The following ST3GAL3 variants were observed in gnomAD, a reference collection of about 807,000 sequenced individuals.
ST3GAL3 encodes the protein CMP-N-acetylneuraminate-beta-1,4-galactoside alpha-2,3-sialyltransferase.
In ST3GAL3, 21 loss-of-function variants were observed where a neutral mutation model predicts 50.1. That is an observed-to-expected ratio of 0.42 (90% CI 0.30 to 0.60). The LOEUF is 0.60. Among genes scored for constraint, ST3GAL3 ranks in the 20% least tolerant of loss-of-function variants. ST3GAL3 has a pLI of 0.19. For missense variants in ST3GAL3, 353 were observed against 489.4 expected, an observed-to-expected ratio of 0.72 and a Z score of 2.63; for synonymous variants, 183 against 190.0, an observed-to-expected ratio of 0.96 and a Z score of 0.30.
intron 6 of ST3GAL3, among the ~76,000 whole-genome samples, chr1:43,894,899 G>A (rs1247570029): frequency 6.6e-6 from 1 of 152,076 alleles, no homozygotes; most frequent in African/African-American, 2.4e-5. Flanking sequence ...TGGGGTTACA[G>A]GCATGAGCCA....
intron 5 of ST3GAL3, among the ~76,000 whole-genome samples, chr1:43,854,093 T>A (rs1044135105): frequency 6.6e-6 from 1 of 152,210 alleles, no homozygotes; most frequent in African/African-American, 2.4e-5. Context: ...TGCCAAATTT[T>A]GTCCCATACC....
intron 2 of ST3GAL3, among the ~76,000 whole-genome samples, chr1:43,789,537 C>A (rs2057779417): frequency 6.6e-6 from 1 of 152,098 alleles, no homozygotes; most frequent in Non-Finnish European, 1.5e-5. Context: ...AGGAGTCAGT[C>A]TTCTCAATGA....
chr1:43,746,216 G>A (rs1323535633), intron 2 of ST3GAL3, among the ~76,000 whole-genome samples: 1 of 152,170 alleles, frequency 6.6e-6, no homozygotes, highest in African/African-American at 2.4e-5. Context: ...TGTTAAATGC[G>A]TAAGCCAGTA....
At chr1:43,812,874 T>C (rs1391601310) in intron 3 of ST3GAL3, among the ~76,000 whole-genome samples, 1 of 138,494 alleles carries the variant, frequency 7.2e-6, no homozygotes, top group African/African-American at 2.5e-5. Flanking sequence ...ATGCAGTGTG[T>C]GCGTGTGTGT....
intron 2 of ST3GAL3, among the ~76,000 whole-genome samples, chr1:43,757,378 G>A (rs1386494575): frequency 6.6e-6 from 1 of 152,178 alleles, no homozygotes; most frequent in East Asian, 1.9e-4. Context: ...AACAAAGTTG[G>A]AGGGTTTACA....
At chr1:43,779,890 A>G (rs987395733) in intron 2 of ST3GAL3, among the ~76,000 whole-genome samples, 4 of 152,114 alleles carry the variant, frequency 2.6e-5, no homozygotes, top group African/African-American at 4.8e-5. Flanking sequence ...ATCTTTCTCC[A>G]TATGTTCAGA....
intron 4 of ST3GAL3, 73 bp downstream of exon 4, chr1:43,815,006 T>G: frequency 1.4e-6 from 2 of 1,425,362 alleles, no homozygotes; most frequent in Non-Finnish European, 2.0e-6. Flanking sequence ...CTTTGAAGGG[T>G]CAGCTCTCAT....
chr1:43,816,146 G>A (rs1423112043), intron 4 of ST3GAL3, among the ~76,000 whole-genome samples: 1 of 152,170 alleles, frequency 6.6e-6, no homozygotes, highest in Non-Finnish European at 1.5e-5. Flanking sequence ...CGGACATCAT[G>A]AAGGATCAGA....
At chr1:43,829,675 G>A (rs1303330652) in intron 4 of ST3GAL3, among the ~76,000 whole-genome samples, 3 of 152,002 alleles carry the variant, frequency 2.0e-5, no homozygotes, top group Non-Finnish European at 4.4e-5. Context: ...TTGTATCCTC[G>A]GCTGAGAATG....
chr1:43,834,335 T>G (rs2063970324), intron 4 of ST3GAL3, among the ~76,000 whole-genome samples: 1 of 152,212 alleles, frequency 6.6e-6, no homozygotes, highest in African/African-American at 2.4e-5. Flanking sequence ...CTTTGTTCCT[T>G]TGTAGCAGAA....
At chr1:43,735,185 A>G (rs1303241785) in intron 1 of ST3GAL3, among the ~76,000 whole-genome samples, 1 of 152,202 alleles carries the variant, frequency 6.6e-6, no homozygotes, top group Non-Finnish European at 1.5e-5. Context: ...AATGAAAGCT[A>G]TGTTAGGCAG....
chr1:43,918,188 G>A (rs1280952839), intron 9 of ST3GAL3, among the ~76,000 whole-genome samples: 2 of 141,656 alleles, frequency 1.4e-5, no homozygotes, highest in East Asian at 2.1e-4. Flanking sequence ...GCGTGATGAT[G>A]ACCCACTGTA....
At chr1:43,929,977 A>G in intron 11 of ST3GAL3, 155 bp from the exon 12 acceptor site, 2 of 771,744 alleles carry the variant, frequency 2.6e-6, no homozygotes, top group South Asian at 2.7e-5. Context: ...CAGGGTCATC[A>G]TTACCGTGTA....
chr1:43,918,388 G>C (rs933530331), intron 9 of ST3GAL3, among the ~76,000 whole-genome samples: 1 of 151,954 alleles, frequency 6.6e-6, no homozygotes, highest in Non-Finnish European at 1.5e-5. Flanking sequence ...AAAGGGCTAG[G>C]ATTACAGGCA....
At chr1:43,858,160 C>A (rs148637038) in intron 5 of ST3GAL3, 2 of 1,289,350 alleles carry the variant, frequency 1.6e-6, no homozygotes, top group Non-Finnish European at 2.0e-6. Context: ...TGCATGGAGA[C>A]AAAAACATAT....
chr1:43,882,552 A>G (rs550306621), intron 5 of ST3GAL3, among the ~76,000 whole-genome samples: 8 of 152,312 alleles, frequency 5.3e-5, no homozygotes, highest in African/African-American at 1.7e-4. Context: ...CTAGGACTCA[A>G]ACAGTGTCTT....
chr1:43,813,891 A>ACG (rs1558417134), intron 3 of ST3GAL3, among the ~76,000 whole-genome samples: 2 of 44,538 alleles, frequency 4.5e-5, no homozygotes, highest in South Asian at 8.6e-4. Flanking sequence ...ACACACACAC[A>ACG]CACGCACACA....
chr1:43,899,671 G>T lies in ST3GAL3; in HGVS notation c.688G>T (p.Gly230Cys). Reference protein sequence around the residue: ...YERDSLFVLAGFKWQDFKWLK... With the variant: ...YERDSLFVLACFKWQDFKWLK... Reference sequence around the variant, plus strand: ...GCGCGATTCTCTCTTTGTCCTCGCCGGCTTCAAGTGGCAGGACTTTAAGTG... The same window carrying T: ...GCGCGATTCTCTCTTTGTCCTCGCCTGCTTCAAGTGGCAGGACTTTAAGTG... The change falls in exon 9 of 12, where the codon GGC becomes TGC. Residue 230 changes from glycine to cysteine, a missense_variant. Transcript: ENST00000347631. This position sits in a 1 kb window ranked among gnomAD's most constrained non-coding sequence, Gnocchi z 5.4. The T allele has an allele frequency of 6.2e-7, 1 of 1,614,104 alleles. No individual in the cohort carries two copies. Among genetic ancestry groups the T allele is most frequent in the Non-Finnish European group, 8.5e-7 (1 of 1,180,038 alleles).
At chr1:43,892,368 C>A (rs1374390513) in intron 5 of ST3GAL3, among the ~76,000 whole-genome samples, 2 of 152,128 alleles carry the variant, frequency 1.3e-5, no homozygotes, top group Non-Finnish European at 2.9e-5. Context: ...AGTGATCCTC[C>A]CACCTCAGCC....
Sources: allele counts gnomAD v4.1 joint callset (sites outside exome capture counted in the v4.1 genomes callset), GRCh38; gene constraint gnomAD v4.1.1; non-coding constraint Gnocchi (gnomAD v3.1); transcripts MANE v1.5; gene names NCBI Gene and HGNC (gene_info 2026-07-23, HGNC 2026-07-21).